The following PTPRG variants were observed in gnomAD, a reference collection of about 807,000 sequenced individuals.
PTPRG encodes the protein receptor-type tyrosine-protein phosphatase gamma.
Under a neutral mutation model 165.3 loss-of-function variants are expected in PTPRG, and 102 were observed. The observed-to-expected ratio is 0.62, with a 90% confidence interval of 0.53 to 0.73. The LOEUF (loss-of-function observed/expected upper bound fraction) is 0.73, where lower values mean the gene tolerates loss of function less well. PTPRG is among the 30% of genes least tolerant of loss of function. The probability of loss-of-function intolerance (pLI) is 0.00; values close to 1 mark genes in which losing one functional copy is unlikely to be tolerated. For synonymous variants in PTPRG, 675 were observed against 669.5 expected (o/e 1.01, Z -0.13); for missense variants, 1,866 against 1,861.4 (o/e 1.00, Z -0.05).
intron 1 of PTPRG, among the ~76,000 whole-genome samples, chr3:61,593,062 T>C (rs1299975860): frequency 6.6e-6 from 1 of 152,236 alleles, no homozygotes; most frequent in Non-Finnish European, 1.5e-5. Flanking sequence ...TGGAAGCTTG[T>C]TGGAAATGCA....
intron 2 of PTPRG, among the ~76,000 whole-genome samples, chr3:61,894,182 T>A (rs1254842283): frequency 6.6e-6 from 1 of 151,790 alleles, no homozygotes. Context: ...TGCGTGCCTG[T>A]AATCCCAGCT....
At chr3:62,272,035 C>T (rs941686963) in intron 21 of PTPRG, among the ~76,000 whole-genome samples, 1 of 151,880 alleles carries the variant, frequency 6.6e-6, no homozygotes, top group African/African-American at 2.4e-5. Flanking sequence ...GTCAAGGCTG[C>T]AGTGGGCTGT....
At chr3:62,120,117 G>A (rs1005155317) in intron 5 of PTPRG, among the ~76,000 whole-genome samples, 1 of 151,964 alleles carries the variant, frequency 6.6e-6, no homozygotes, top group African/African-American at 2.4e-5. Context: ...TTTTAAGCTG[G>A]TTAAAGATGA....
chr3:61,571,236 A>G (rs1229485382), intron 1 of PTPRG, among the ~76,000 whole-genome samples: 1 of 152,210 alleles, frequency 6.6e-6, no homozygotes, highest in East Asian at 1.9e-4. Flanking sequence ...AGGTAGGTCC[A>G]AGGTCACCGG....
intron 2 of PTPRG, among the ~76,000 whole-genome samples, chr3:61,751,817 C>T (rs2033442683): frequency 6.6e-6 from 1 of 151,908 alleles, no homozygotes; most frequent in Non-Finnish European, 1.5e-5. Flanking sequence ...GGTGAAATCC[C>T]GTCTCTACTA....
At chr3:61,574,214 A>G (rs748658753) in intron 1 of PTPRG, among the ~76,000 whole-genome samples, 2 of 152,164 alleles carry the variant, frequency 1.3e-5, no homozygotes, top group African/African-American at 4.8e-5. Context: ...AGCTGACAGT[A>G]GAGCGCAAAA....
At chr3:61,774,218 G>C (rs2034300954) in intron 2 of PTPRG, among the ~76,000 whole-genome samples, 1 of 152,240 alleles carries the variant, frequency 6.6e-6, no homozygotes, top group Non-Finnish European at 1.5e-5. Context: ...ACAAAGTGCA[G>C]ATGAGTTTGA....
chr3:62,064,983 C>G (rs1022548728), intron 4 of PTPRG, among the ~76,000 whole-genome samples: 1 of 152,050 alleles, frequency 6.6e-6, no homozygotes, highest in Non-Finnish European at 1.5e-5. Flanking sequence ...CCTCCCAGCT[C>G]GGCTTCCCAA....
intron 1 of PTPRG, among the ~76,000 whole-genome samples, chr3:61,621,991 C>G (rs1701471755): frequency 1.3e-5 from 2 of 152,168 alleles, no homozygotes; most frequent in South Asian, 2.1e-4. Context: ...CTTGGAAGTC[C>G]TGAAAGTATT....
At position 62,224,806 on chromosome 3, in the gene PTPRG, G is replaced by A. The variant is rs990508786; in HGVS notation, c.2288+5823G>A. Reference sequence around the variant, plus strand: ...TGTGGGGAGACATTTATTCTAAAATGTTTTTAGCTGAGCTGTTTCAGGTAG... The same window carrying A: ...TGTGGGGAGACATTTATTCTAAAATATTTTTAGCTGAGCTGTTTCAGGTAG... On this transcript the variant is annotated intron_variant, in intron 13 of 29. Coordinates refer to ENST00000474889, the MANE Select transcript of PTPRG (RefSeq NM_002841.4). This position sits in a 1 kb window ranked among gnomAD's most constrained non-coding sequence, Gnocchi z 4.9. Among the ~76,000 whole-genome samples the A allele has an allele frequency of 2.0e-5, 3 of 152,160 alleles. No individual in the cohort carries two copies. The highest frequency in any genetic ancestry group is 7.2e-5 in the African/African-American group (3 of 41,428).
chr3:61,586,176 A>C (rs1427576821), intron 1 of PTPRG, among the ~76,000 whole-genome samples: 2 of 151,954 alleles, frequency 1.3e-5, no homozygotes, highest in Non-Finnish European at 2.9e-5. Flanking sequence ...GATTCCTCTG[A>C]TTGAGTAGAC....
At chr3:61,610,723 TTC>T (rs2106871627) in intron 1 of PTPRG, among the ~76,000 whole-genome samples, 1 of 147,456 alleles carries the variant, frequency 6.8e-6, no homozygotes, top group South Asian at 2.1e-4. Flanking sequence ...GTATTACTTA[TTC>T]TCTCATTGCC....
At position 62,081,257 on chromosome 3, in the gene PTPRG, A is replaced by AAAACAAAC. The variant is rs200988219; in HGVS notation, c.615+3031_615+3038dup. On this transcript the variant is annotated intron_variant, in intron 5 of 29. Transcript: ENST00000474889. Reference sequence around the variant, plus strand: ...GGGCGACAGAGTGAGACTCCGTCTCAAAACAAACAAACAAACAAACAAACA... The same window carrying AAAACAAAC: ...GGGCGACAGAGTGAGACTCCGTCTCAAAACAAACAAACAAACAAACAAACAAACAAACA... 7.1e-4 allele frequency among the ~76,000 whole-genome samples: 70 copies of AAAACAAAC among 98,622 alleles called. 1 individual carries two copies. In the East Asian group the frequency reaches 9.3e-3, roughly 13 times the overall value. 64.7% of individuals were successfully genotyped at this position (98,622 alleles called of 152,430 possible). A position where few individuals can be genotyped will look rare whatever the true frequency, so the allele number is the denominator to read the frequency against.
At chr3:62,067,578 G>A (rs1054587857) in intron 4 of PTPRG, among the ~76,000 whole-genome samples, 3 of 152,172 alleles carry the variant, frequency 2.0e-5, no homozygotes, top group African/African-American at 7.2e-5. Context: ...TGTAGAATCA[G>A]TGGGAGCCCT....
intron 2 of PTPRG, among the ~76,000 whole-genome samples, chr3:61,848,922 A>C (rs909900384): frequency 6.6e-6 from 1 of 152,252 alleles, no homozygotes; most frequent in Non-Finnish European, 1.5e-5. Flanking sequence ...ACTGAAGTTC[A>C]GGGAAGTCAG....
chr3:61,997,585 T>C (rs1288638858), intron 3 of PTPRG, among the ~76,000 whole-genome samples: 1 of 152,142 alleles, frequency 6.6e-6, no homozygotes. Context: ...TCCCCTTCTC[T>C]CATCTGGGGT....
intron 4 of PTPRG, among the ~76,000 whole-genome samples, chr3:62,043,326 C>T (rs1281442676): frequency 1.3e-5 from 2 of 152,154 alleles, no homozygotes; most frequent in African/African-American, 4.8e-5. Flanking sequence ...TCCAGCTGCA[C>T]ACATCAAGAC....
intron 2 of PTPRG, among the ~76,000 whole-genome samples, chr3:61,983,090 A>G (rs1211167030): frequency 6.6e-6 from 1 of 152,216 alleles, no homozygotes; most frequent in East Asian, 1.9e-4. Flanking sequence ...AAAGTTGAGC[A>G]GCTTTATAAC....
chr3:62,216,218 G>GA (rs11386316), intron 12 of PTPRG, among the ~76,000 whole-genome samples: 55,910 of 135,466 alleles, frequency 0.41, 10,798 homozygotes, highest in African/African-American at 0.47. Context: ...TTTCAAAAAA[G>GA]AAAAAAAAAA....
Sources: allele counts gnomAD v4.1 joint callset (sites outside exome capture counted in the v4.1 genomes callset), GRCh38; gene constraint gnomAD v4.1.1; non-coding constraint Gnocchi (gnomAD v3.1); transcripts MANE v1.5; gene names NCBI Gene and HGNC (gene_info 2026-07-23, HGNC 2026-07-21).